The following RBFOX1 variants were observed in gnomAD, a reference collection of about 807,000 sequenced individuals.
RBFOX1 encodes the protein RNA binding fox-1 homolog 1, also known as RNA binding protein fox-1 homolog 1.
Under a neutral mutation model 57.7 loss-of-function variants are expected in RBFOX1, and 8 were observed. That is an observed-to-expected ratio of 0.14 (90% confidence interval 0.08 to 0.25). RBFOX1 has a LOEUF of 0.25. RBFOX1 is among the 10% of genes least tolerant of loss of function. The pLI, the probability that RBFOX1 is intolerant of heterozygous loss-of-function variation, is 1.00. For missense variants in RBFOX1, 611 were observed against 548.5 expected (o/e 1.11, Z -1.14); for synonymous variants, 326 against 222.4 (o/e 1.47, Z -4.15).
At chr16:7,600,315 G>C (rs1434085122) in intron 9 of RBFOX1, among the ~76,000 whole-genome samples, 1 of 152,128 alleles carries the variant, frequency 6.6e-6, no homozygotes, top group Non-Finnish European at 1.5e-5. Context: ...TAAAGACTTT[G>C]GCTTCTGTAG....
intron 2 of RBFOX1, among the ~76,000 whole-genome samples, chr16:5,538,417 TC>T (rs33924660): frequency 0.29 from 43,977 of 151,930 alleles, 7,071 homozygotes; most frequent in Non-Finnish European, 0.36. Flanking sequence ...AAACTACTGT[TC>T]AGGGAGGTCA....
chr16:5,563,831 C>T (rs940345554), intron 2 of RBFOX1, among the ~76,000 whole-genome samples: 7 of 152,110 alleles, frequency 4.6e-5, no homozygotes, highest in African/African-American at 1.7e-4. Context: ...TTAGCAGCCA[C>T]ATCCCATTTC....
chr16:7,280,951 A>C (rs12927389), intron 4 of RBFOX1, among the ~76,000 whole-genome samples: 4,560 of 107,000 alleles, frequency 0.043, 104 homozygotes, highest in South Asian at 0.088. Context: ...GTGATTCCCT[A>C]CCTACCTCCC....
intron 5 of RBFOX1, among the ~76,000 whole-genome samples, chr16:7,568,173 G>C (rs2092332109): frequency 6.6e-6 from 1 of 152,098 alleles, no homozygotes; most frequent in African/African-American, 2.4e-5. Flanking sequence ...GTTTATTAGA[G>C]AAGTAAAGAA....
chr16:6,525,362 C>G (rs548190772), intron 2 of RBFOX1, among the ~76,000 whole-genome samples: 1 of 152,252 alleles, frequency 6.6e-6, no homozygotes, highest in South Asian at 2.1e-4. Context: ...GTTGAGTACA[C>G]TTCTCCTGAG....
chr16:6,792,577 T>C (rs1172933427), intron 3 of RBFOX1, among the ~76,000 whole-genome samples: 1 of 152,212 alleles, frequency 6.6e-6, no homozygotes, highest in Admixed American at 6.5e-5. Flanking sequence ...CGCCATGTAG[T>C]ACTGTGCCTC....
intron 4 of RBFOX1, among the ~76,000 whole-genome samples, chr16:7,366,140 C>A (rs1193519977): frequency 6.6e-6 from 1 of 152,170 alleles, no homozygotes; most frequent in East Asian, 1.9e-4. Context: ...AGCTGACCCT[C>A]TAAACAGTGT....
chr16:7,688,829 T>C (rs890385722), intron 14 of RBFOX1, among the ~76,000 whole-genome samples: 1 of 152,076 alleles, frequency 6.6e-6, no homozygotes, highest in African/African-American at 2.4e-5. Context: ...TAATTCTTTC[T>C]CTCAATTATT....
At chr16:5,639,431 A>G (rs1191465840) in intron 3 of RBFOX1, among the ~76,000 whole-genome samples, 1 of 152,204 alleles carries the variant, frequency 6.6e-6, no homozygotes, top group African/African-American at 2.4e-5. Flanking sequence ...GAGGTTCAAC[A>G]GAAGTCTTGA....
intron 1 of RBFOX1, among the ~76,000 whole-genome samples, chr16:6,261,937 T>C (rs1032739286): frequency 2.6e-5 from 4 of 151,882 alleles, no homozygotes; most frequent in African/African-American, 9.7e-5. Flanking sequence ...GGCTGAGGCA[T>C]GAGAGTTGCT....
At chr16:7,203,874 C>T (rs2089305299) in intron 4 of RBFOX1, among the ~76,000 whole-genome samples, 1 of 152,210 alleles carries the variant, frequency 6.6e-6, no homozygotes, top group South Asian at 2.1e-4. Flanking sequence ...GAGAGCCAGT[C>T]CTCAGAAGGG....
intron 3 of RBFOX1, among the ~76,000 whole-genome samples, chr16:5,769,868 G>A (rs2053919208): frequency 1.3e-5 from 2 of 152,188 alleles, no homozygotes; most frequent in South Asian, 4.1e-4. Flanking sequence ...CACCCAATTT[G>A]TGGTACTTTG....
In RBFOX1 at chr16:6,812,607, C is replaced by T. The variant is rs192246783; in HGVS notation, c.-16+157957C>T. On this transcript the variant is annotated intron_variant, in intron 3 of 15. Coordinates refer to ENST00000550418, the MANE Select transcript of RBFOX1 (RefSeq NM_018723.4). ...GGCCAGACTGGTCTCAAACTCCTGA[C>T]CTCAATTGATCCACCCGCCTCAGCC... Among the ~76,000 whole-genome samples, 4 of 152,170 alleles carry T rather than the reference C, an allele frequency of 2.6e-5. No homozygotes were observed. In the East Asian group the frequency reaches 5.8e-4, roughly 22 times the overall value.
chr16:5,592,613 A>T lies in RBFOX1; in HGVS notation c.259-6289A>T, dbSNP rs187385886. 4.8e-3 allele frequency among the ~76,000 whole-genome samples: 729 copies of T among 152,200 alleles called. 5 individuals are homozygous for T. Among genetic ancestry groups the T allele is most frequent in the Middle Eastern group, 0.01 (3 of 294 alleles). ...TGTATTTTAGTAGAGATGGGGTTTCACCATGTTGGCTAGGCTATAAAAATC... is the reference window on the plus strand; with the variant it reads ...TGTATTTTAGTAGAGATGGGGTTTCTCCATGTTGGCTAGGCTATAAAAATC... On this transcript the variant is annotated intron_variant, in intron 2 of 2. Coordinates refer to the RBFOX1 transcript ENST00000585867.
At chr16:6,103,869 G>A (rs541608815) in intron 1 of RBFOX1, among the ~76,000 whole-genome samples, 38 of 152,256 alleles carry the variant, frequency 2.5e-4, no homozygotes, top group Non-Finnish European at 5.1e-4. Context: ...GTTACTTTTT[G>A]GTACCTGAAA....
intron 4 of RBFOX1, among the ~76,000 whole-genome samples, chr16:7,174,930 C>T (rs991412761): frequency 5.3e-5 from 8 of 152,252 alleles, no homozygotes; most frequent in African/African-American, 1.7e-4. Context: ...TTTCAAATTA[C>T]TGCCATTCTA....
rs569702956 is a variant in RBFOX1 at position 7,386,797 on chromosome 16, C to T, written c.28-131350C>T. 2.6e-5 allele frequency among the ~76,000 whole-genome samples: 4 copies of T among 152,186 alleles called. 1 individual carries two copies. Among genetic ancestry groups the T allele is most frequent in the South Asian group, 4.1e-4 (2 of 4,820 alleles). ...TTCTAGTTCTATATCCTTGAGGAATCGCCACACTGTCTTCCACAATGGTTG... is the reference window on the plus strand; with the variant it reads ...TTCTAGTTCTATATCCTTGAGGAATTGCCACACTGTCTTCCACAATGGTTG... On this transcript the variant is annotated intron_variant, in intron 4 of 15. Coordinates refer to ENST00000550418, the MANE Select transcript of RBFOX1 (RefSeq NM_018723.4).
intron 14 of RBFOX1, among the ~76,000 whole-genome samples, chr16:7,691,936 G>A (rs2077439099): frequency 6.6e-6 from 1 of 152,250 alleles, no homozygotes; most frequent in Non-Finnish European, 1.5e-5. Context: ...TATTCTAAGT[G>A]CCTGTTTTGT....
chr16:6,400,005 C>T (rs918517364), intron 2 of RBFOX1, among the ~76,000 whole-genome samples: 2 of 152,142 alleles, frequency 1.3e-5, no homozygotes, highest in African/African-American at 4.8e-5. Flanking sequence ...AGGTCCCTCC[C>T]ACAACATGTG....
Sources: allele counts gnomAD v4.1 joint callset (sites outside exome capture counted in the v4.1 genomes callset), GRCh38; gene constraint gnomAD v4.1.1; transcripts MANE v1.5; gene names NCBI Gene and HGNC (gene_info 2026-07-23, HGNC 2026-07-21).